Variants in PCNX1 observed in about 807,000 individuals in gnomAD.
PCNX1 encodes the protein pecanex 1.
PCNX1 carries 78 observed loss-of-function variants against 242.2 expected under a neutral mutation model. The ratio of observed to expected loss-of-function variants is 0.32; its 90% CI spans 0.27 to 0.39. The LOEUF (loss-of-function observed/expected upper bound fraction) is 0.39. PCNX1 is among the 10% of genes least tolerant of loss of function. PCNX1 has a pLI of 1.00. For synonymous variants in PCNX1, 1,024 were observed against 1,032.9 expected, an observed-to-expected ratio of 0.99 and a Z score of 0.17; for missense variants, 2,581 against 2,856.5, an observed-to-expected ratio of 0.90 and a Z score of 2.20.
In PCNX1 at chr14:70,977,332, A is replaced by G. The variant is rs2058716439; in HGVS notation, c.995A>G (p.Asn332Ser). ...GGATCCAAAGAATCCTTGGTGGAAA[A>G]TTCTGGTTTATCTGGGGAATTTCAG... ...LSGSKESLVE[N>S]SGLSGEFQLA... The change falls in exon 6 of 36, where the codon AAT (asparagine) becomes AGT (serine). Residue 332 changes from asparagine to serine, a missense_variant. This residue lies in a region of PCNX1 where 1,204 missense variants were observed against 1,216.7 expected (regional missense o/e 0.99). Coordinates refer to ENST00000304743, the MANE Select transcript of PCNX1 (RefSeq NM_014982.3). 6.2e-7 allele frequency: 1 copy of G among 1,614,028 alleles called. No individual in the cohort carries two copies. Among genetic ancestry groups the G allele is most frequent in the Admixed American group, 1.7e-5 (1 of 59,980 alleles).
At chr14:71,019,287 A>G (rs1343031578) in intron 12 of PCNX1, 125 bp downstream of exon 12, 4 of 765,256 alleles carry the variant, frequency 5.2e-6, no homozygotes, top group Non-Finnish European at 8.2e-6. Flanking sequence ...GCATGTTTAC[A>G]TAAGATTGTG....
chr14:71,045,508 C>A (rs1371839617), intron 20 of PCNX1, among the ~76,000 whole-genome samples: 3 of 152,100 alleles, frequency 2.0e-5, no homozygotes, highest in Non-Finnish European at 4.4e-5. Context: ...AAGAAACTTA[C>A]TTCTCCCCTC....
At chr14:71,004,733 C>A (rs970040086) in intron 8 of PCNX1, among the ~76,000 whole-genome samples, 2 of 152,046 alleles carry the variant, frequency 1.3e-5, no homozygotes, top group African/African-American at 4.8e-5. Context: ...GGGGTGCTAT[C>A]CAAGAAATTA....
intron 5 of PCNX1, among the ~76,000 whole-genome samples, chr14:70,969,689 C>T (rs796295117): frequency 1.2e-4 from 19 of 152,208 alleles, no homozygotes; most frequent in African/African-American, 4.6e-4. Flanking sequence ...CTGAAAAGAC[C>T]TTTACATGTA....
intron 2 of PCNX1, among the ~76,000 whole-genome samples, chr14:70,952,184 C>T (rs765959916): frequency 2.0e-5 from 3 of 152,118 alleles, no homozygotes; most frequent in African/African-American, 4.8e-5. Flanking sequence ...CATGGTAACA[C>T]TTGATAATTG....
chr14:71,113,078 A>G lies in PCNX1; in HGVS notation c.*3143A>G, dbSNP rs1426178144. The stretch of plus-strand genomic sequence containing the variant: ...TTTGCTAAAGAACTTTAATTTTTCC[A>G]AGAATCTAGATTAACATAAGATGTT... On this transcript the variant is annotated 3_prime_UTR_variant, in exon 36 of 36. Transcript: ENST00000304743. 6 of 152,194 alleles carry G rather than the reference A, an allele frequency of 3.9e-5. No individual in the cohort carries two copies. Among genetic ancestry groups the G allele is most frequent in the Non-Finnish European group, 5.9e-5 (4 of 68,016 alleles). 9.4% of individuals were successfully genotyped at this position (152,194 alleles called of 1,614,324 possible).
At position 71,056,723 on chromosome 14, in the gene PCNX1, G is replaced by T. The variant is rs532877478; in HGVS notation, c.4637-786G>T. 9.9e-5 allele frequency among the ~76,000 whole-genome samples: 15 copies of T among 151,160 alleles called. No individual in the cohort carries two copies. The East Asian group carries it at 2.7e-3, about 27-fold the overall frequency. The stretch of plus-strand genomic sequence containing the variant: ...AGACAGAGTCTCTCTCTGTCACCCA[G>T]GCTGGAGTGCAGTGGCACAGTCACA... On this transcript the variant is annotated intron_variant, in intron 25 of 35. Transcript: ENST00000304743.
At chr14:70,947,384 C>T (rs944852958) in intron 2 of PCNX1, among the ~76,000 whole-genome samples, 2 of 152,018 alleles carry the variant, frequency 1.3e-5, no homozygotes, top group African/African-American at 4.8e-5. Flanking sequence ...AGACAGGGAC[C>T]CCGAACAGAG....
At chr14:70,961,307 C>G (rs1271852178) in intron 2 of PCNX1, among the ~76,000 whole-genome samples, 1 of 152,072 alleles carries the variant, frequency 6.6e-6, no homozygotes, top group Non-Finnish European at 1.5e-5. Flanking sequence ...GGTACTGGTA[C>G]CAAAACAGAG....
intron 32 of PCNX1, 150 bp downstream of exon 32, chr14:71,103,819 C>T (rs1242854988): frequency 1.6e-6 from 1 of 637,710 alleles, no homozygotes; most frequent in Non-Finnish European, 2.7e-6. Context: ...GAAGTAGAAT[C>T]TGAGCATTCT....
intron 16 of PCNX1, among the ~76,000 whole-genome samples, chr14:71,032,482 T>TA (rs2060415481): frequency 6.7e-6 from 1 of 150,278 alleles, no homozygotes; most frequent in African/African-American, 2.5e-5. Flanking sequence ...ATTTGGGAAA[T>TA]ACAAAGATCT....
intron 2 of PCNX1, among the ~76,000 whole-genome samples, chr14:70,960,611 C>G: frequency 6.6e-6 from 1 of 151,980 alleles, no homozygotes; most frequent in East Asian, 1.9e-4. Context: ...TGGCACAAGA[C>G]AGGGATGCCC....
rs146522152 is a variant in PCNX1, at chr14:70,987,097, T to C, written c.2312-1470T>C. On this transcript the variant is annotated intron_variant, in intron 6 of 35. Transcript: ENST00000304743. The stretch of plus-strand genomic sequence containing the variant: ...CCATTGATTGCCCTTCCCTAATACA[T>C]GTTTTCTCCTTTGTGGCAATGCTGA... 3.2e-3 allele frequency among the ~76,000 whole-genome samples: 484 copies of C among 152,308 alleles called. 3 individuals carry two copies. Among genetic ancestry groups the C allele is most frequent in the African/African-American group, 0.011 (461 of 41,558 alleles).
intron 1 of PCNX1, among the ~76,000 whole-genome samples, chr14:70,942,138 C>T (rs371035154): frequency 3.9e-5 from 6 of 152,012 alleles, no homozygotes; most frequent in Admixed American, 2.0e-4. Context: ...ACCCACCGTC[C>T]GACAGGCCCC....
chr14:70,971,819 G>A (rs2058550547), intron 5 of PCNX1, among the ~76,000 whole-genome samples: 1 of 152,224 alleles, frequency 6.6e-6, no homozygotes, highest in Non-Finnish European at 1.5e-5. Context: ...AAGCCCTAAA[G>A]CAAGAGCATG....
At chr14:71,015,500 C>G (rs1422023253) in intron 11 of PCNX1, among the ~76,000 whole-genome samples, 2 of 152,102 alleles carry the variant, frequency 1.3e-5, no homozygotes, top group African/African-American at 4.8e-5. Flanking sequence ...GGTAGACTGT[C>G]ATAAATGTGT....
At chr14:71,072,939 A>G (rs999313275) in intron 26 of PCNX1, among the ~76,000 whole-genome samples, 2 of 152,222 alleles carry the variant, frequency 1.3e-5, no homozygotes, top group African/African-American at 4.8e-5. Flanking sequence ...TGATACAAAC[A>G]CAATTGTAAA....
intron 6 of PCNX1, among the ~76,000 whole-genome samples, chr14:70,987,625 A>G (rs911617159): frequency 2.0e-5 from 3 of 152,168 alleles, no homozygotes; most frequent in African/African-American, 7.2e-5. Flanking sequence ...ATGATTCCCA[A>G]ATTATTTAGA....
At chr14:71,096,730 C>T (rs1195996388) in intron 30 of PCNX1, among the ~76,000 whole-genome samples, 2 of 152,182 alleles carry the variant, frequency 1.3e-5, no homozygotes, top group East Asian at 3.9e-4. Flanking sequence ...ATTATGAATG[C>T]TATCTTAGAT....
Sources: allele counts gnomAD v4.1 joint callset (sites outside exome capture counted in the v4.1 genomes callset), GRCh38; gene constraint gnomAD v4.1.1; regional missense constraint gnomAD v4.1.1; transcripts MANE v1.5; gene names NCBI Gene and HGNC (gene_info 2026-07-23, HGNC 2026-07-21).